The following GALNT2 variants were observed in gnomAD, a reference collection of about 807,000 sequenced individuals.
GALNT2 encodes polypeptide N-acetylgalactosaminyltransferase 2, also known as UDP-GalNAc:polypeptide N-acetylgalactosaminyltransferase 2.
GALNT2 carries 31 observed loss-of-function variants against 81.4 expected under a neutral mutation model. The ratio of observed to expected loss-of-function variants is 0.38; its 90% CI spans 0.29 to 0.51. GALNT2 has a LOEUF of 0.51. Among genes scored for constraint, GALNT2 ranks in the 20% least tolerant of loss-of-function variants. GALNT2 has a pLI of 0.87. For synonymous variants in GALNT2, 303 were observed against 287.4 expected (o/e 1.05, Z -0.55); for missense variants, 629 against 765.7 (o/e 0.82, Z 2.11).
intron 2 of GALNT2, among the ~76,000 whole-genome samples, chr1:230,185,238 ATACT>A (rs1406210943): frequency 1.3e-5 from 2 of 150,776 alleles, no homozygotes; most frequent in African/African-American, 4.9e-5. Context: ...TCTGGTTCTG[ATACT>A]TGCTGTGTCT....
chr1:230,072,582 TG>T (rs1281400829), intron 1 of GALNT2, among the ~76,000 whole-genome samples: 1 of 152,198 alleles, frequency 6.6e-6, no homozygotes, highest in Admixed American at 6.5e-5. Flanking sequence ...CTTTTGTCCT[TG>T]TGAAGCCTCT....
chr1:230,236,217 T>A, intron 4 of GALNT2, 105 bp downstream of exon 4: 1 of 1,378,254 alleles, frequency 7.3e-7, no homozygotes, highest in Non-Finnish European at 1.0e-6. Flanking sequence ...CAGGGTCTCC[T>A]GACTGCTCAG....
At chr1:230,260,028 G>T (rs1665828528) in intron 11 of GALNT2, among the ~76,000 whole-genome samples, 1 of 152,226 alleles carries the variant, frequency 6.6e-6, no homozygotes, top group African/African-American at 2.4e-5. Flanking sequence ...AAGTTAGATG[G>T]AGTCAGTCAG....
intron 1 of GALNT2, among the ~76,000 whole-genome samples, chr1:230,110,153 T>C (rs11585739): frequency 0.43 from 65,229 of 152,096 alleles, 14,006 homozygotes; most frequent in South Asian, 0.53. Flanking sequence ...TCCTTAAACT[T>C]AGTGCTCCTG....
At chr1:230,132,736 T>G (rs1661406408) in intron 1 of GALNT2, among the ~76,000 whole-genome samples, 1 of 152,244 alleles carries the variant, frequency 6.6e-6, no homozygotes, top group Non-Finnish European at 1.5e-5. Flanking sequence ...GACTATTTTG[T>G]TGCAAAATAA....
chr1:230,237,529 A>G (rs903058306), intron 6 of GALNT2, among the ~76,000 whole-genome samples: 3 of 152,186 alleles, frequency 2.0e-5, no homozygotes, highest in Non-Finnish European at 4.4e-5. Context: ...CTCATTACAT[A>G]TGCACTCCAG....
rs150602088 is a variant in GALNT2, at chr1:230,256,867, CG to C, written c.1136+1526del. Among the ~76,000 whole-genome samples the C allele has an allele frequency of 3.8e-3, 580 of 152,180 alleles. 4 individuals are homozygous for C. Among genetic ancestry groups the C allele is most frequent in the African/African-American group, 0.013 (555 of 41,532 alleles). ...AGAAGGTAAGATGCAGTCATGTGGTCGGGCATGATTAGGACAAGCAGTAGGA... is the reference window on the plus strand; with the variant it reads ...AGAAGGTAAGATGCAGTCATGTGGTCGGCATGATTAGGACAAGCAGTAGGA... On this transcript the variant is annotated intron_variant, in intron 11 of 15. Transcript: ENST00000366672.
At chr1:230,267,399 G>C (rs1019125648) in intron 14 of GALNT2, among the ~76,000 whole-genome samples, 1 of 152,226 alleles carries the variant, frequency 6.6e-6, no homozygotes, top group Non-Finnish European at 1.5e-5. Context: ...TGCGCCTCCT[G>C]TTATTCCGGC....
At chr1:230,105,575 C>T (rs1202575612) in intron 1 of GALNT2, among the ~76,000 whole-genome samples, 3 of 152,192 alleles carry the variant, frequency 2.0e-5, no homozygotes, top group Non-Finnish European at 4.4e-5. Context: ...GTGTAAGCTC[C>T]TGTGGGAACA....
rs113630188 is a variant in GALNT2, at chr1:230,110,714, G to GTTTTTTTT, written c.126+43315_126+43322dup. Among the ~76,000 whole-genome samples, 24 of 137,652 alleles carry GTTTTTTTT rather than the reference G, an allele frequency of 1.7e-4. 2 individuals are homozygous for GTTTTTTTT. The highest frequency in any genetic ancestry group is 3.8e-3 in the Middle Eastern group (1 of 264). The allele number at this position is 137,652 out of a possible 152,430, so 90.3% of individuals were successfully genotyped here. On this transcript the variant is annotated intron_variant, in intron 1 of 15. Transcript: ENST00000366672. Reference sequence around the variant, plus strand: ...GGGTCTCTCTCAGCTGTGCTTTTCTGTTTTTTTTTTTTTTGTCTTCAATAG... The same window carrying GTTTTTTTT: ...GGGTCTCTCTCAGCTGTGCTTTTCTGTTTTTTTTTTTTTTTTTTTTTTGTCTTCAATAG...
chr1:230,072,082 C>T (rs1229276716), intron 1 of GALNT2, among the ~76,000 whole-genome samples: 1 of 151,910 alleles, frequency 6.6e-6, no homozygotes, highest in Non-Finnish European at 1.5e-5. Context: ...GTTTCCCCAC[C>T]CTAGCTCCTG....
intron 2 of GALNT2, 80 bp downstream of exon 2, chr1:230,178,391 G>A: frequency 1.9e-6 from 2 of 1,076,584 alleles, no homozygotes; most frequent in South Asian, 1.5e-5. Flanking sequence ...GGAGCAGGTG[G>A]TCTGTGGGGA....
intron 1 of GALNT2, among the ~76,000 whole-genome samples, chr1:230,073,542 C>CTT (rs1659438979): frequency 6.6e-6 from 1 of 152,190 alleles, no homozygotes; most frequent in East Asian, 1.9e-4. Flanking sequence ...GCCCCAGAAG[C>CTT]ATGGGGTGTT....
intron 1 of GALNT2, among the ~76,000 whole-genome samples, chr1:230,147,551 G>A (rs945537583): frequency 6.6e-6 from 1 of 152,178 alleles, no homozygotes; most frequent in Non-Finnish European, 1.5e-5. Context: ...CTCCTTTCCT[G>A]GTCCCGCGGG....
chr1:230,215,736 G>A (rs1196819937), intron 3 of GALNT2, among the ~76,000 whole-genome samples: 1 of 152,148 alleles, frequency 6.6e-6, no homozygotes, highest in Non-Finnish European at 1.5e-5. Context: ...TGTAAACCCT[G>A]GGTTTCTTAT....
intron 3 of GALNT2, among the ~76,000 whole-genome samples, chr1:230,209,142 A>T (rs1255323820): frequency 6.6e-6 from 1 of 152,114 alleles, no homozygotes; most frequent in East Asian, 1.9e-4. Flanking sequence ...AGCAGGTTGA[A>T]AGCCATCACC....
chr1:230,159,168 C>G (rs887772711), intron 1 of GALNT2, among the ~76,000 whole-genome samples: 1 of 152,058 alleles, frequency 6.6e-6, no homozygotes, highest in African/African-American at 2.4e-5. Context: ...GACGCTGTAC[C>G]CCTGCCCTAT....
At chr1:230,139,705 G>A (rs1284027615) in intron 1 of GALNT2, among the ~76,000 whole-genome samples, 5 of 152,232 alleles carry the variant, frequency 3.3e-5, no homozygotes, top group East Asian at 1.9e-4. Flanking sequence ...TACAAGCAAA[G>A]CACTGCGAGC....
rs10532058 is a variant in GALNT2, at chr1:230,235,213, C to CA, written c.375-777dup. Among the ~76,000 whole-genome samples the CA allele has an allele frequency of 9.1e-3, 695 of 76,156 alleles. 4 individuals are homozygous for CA. The highest frequency in any genetic ancestry group is 0.013 in the Middle Eastern group (2 of 150). The allele number at this position is 76,156 out of a possible 152,430, so 50.0% of individuals were successfully genotyped here. A position where few individuals can be genotyped will look rare whatever the true frequency, so the allele number is the denominator to read the frequency against. On this transcript the variant is annotated intron_variant, in intron 3 of 15. Transcript: ENST00000366672. The stretch of plus-strand genomic sequence containing the variant: ...TGGGTGACAGAGTTGGACCCTGTCT[C>CA]AAAAAAAAAAAAAAAAAAAAAAAAG...
Sources: gnomAD v4.1 joint callset for allele counts (sites outside exome capture counted in the v4.1 genomes callset) on GRCh38, gnomAD v4.1.1 for gene constraint, MANE v1.5 for transcripts, NCBI Gene and HGNC (gene_info 2026-07-23, HGNC 2026-07-21) for gene names.